LBP: variants seen among roughly 807,000 people sequenced by gnomAD.
LBP encodes lipopolysaccharide binding protein, also known as lipopolysaccharide-binding protein.
A neutral mutation model predicts 56.6 loss-of-function variants in LBP; 53 were observed. The observed-to-expected ratio is 0.94, with a 90% CI of 0.75 to 1.18. The LOEUF (loss-of-function observed/expected upper bound fraction) is 1.18. Ranked by LOEUF, LBP falls within the 50% of genes most tolerant of loss-of-function variation. The pLI is 0.00. For synonymous variants in LBP, 227 were observed against 247.5 expected (o/e 0.92, Z 0.78); for missense variants, 601 against 598.3 (o/e 1.00, Z -0.05).
chr20:38,348,874 A>G (rs915558986), intron 1 of LBP, among the ~76,000 whole-genome samples: 2 of 151,878 alleles, frequency 1.3e-5, no homozygotes, highest in South Asian at 4.2e-4. Flanking sequence ...GCTCACTGCA[A>G]TCTCTGCCTC....
intron 9 of LBP, 86 bp downstream of exon 9, chr20:38,366,914 C>A: frequency 7.9e-7 from 1 of 1,258,126 alleles, no homozygotes; most frequent in Non-Finnish European, 1.2e-6. Flanking sequence ...CATCTCTCAG[C>A]TTGACCAAGA....
At chr20:38,357,882 T>C (rs1440013992) in intron 5 of LBP, among the ~76,000 whole-genome samples, 1 of 152,220 alleles carries the variant, frequency 6.6e-6, no homozygotes, top group Non-Finnish European at 1.5e-5. Flanking sequence ...GTCTTGGCAC[T>C]GGTGGTCATG....
rs531425909 is a variant in LBP at position 38,368,926 on chromosome 20, C to T, written c.982-69C>T. 6 of 1,470,246 alleles carry T rather than the reference C, an allele frequency of 4.1e-6. No individual in the cohort carries two copies. In the African/African-American group the frequency reaches 5.6e-5, roughly 14 times the overall value. The allele number at this position is 1,470,246 out of a possible 1,614,324, so 91.1% of individuals were successfully genotyped here. A position where few individuals can be genotyped will look rare whatever the true frequency, so the allele number is the denominator to read the frequency against. On this transcript the variant is annotated intron_variant, in intron 9 of 14. Coordinates refer to ENST00000217407, the MANE Select transcript of LBP (RefSeq NM_004139.5). ...AAGCAACTTCCAGCTTTATCTGACTCCCTCAGGCCTCTCCTGGCAGACTTG... is the reference window on the plus strand; with the variant it reads ...AAGCAACTTCCAGCTTTATCTGACTTCCTCAGGCCTCTCCTGGCAGACTTG...
chr20:38,359,822 C>T (rs994646297), intron 5 of LBP, among the ~76,000 whole-genome samples: 2 of 152,160 alleles, frequency 1.3e-5, no homozygotes, highest in African/African-American at 2.4e-5. Flanking sequence ...ATTTCCTTCT[C>T]TTGAGAAGCA....
At chr20:38,361,575 T>C (rs2076860347) in intron 6 of LBP, among the ~76,000 whole-genome samples, 2 of 151,920 alleles carry the variant, frequency 1.3e-5, no homozygotes, top group South Asian at 4.2e-4. Flanking sequence ...CGGCTACTTT[T>C]TGTATTTTTT....
chr20:38,359,803 G>A (rs559171055), intron 5 of LBP, among the ~76,000 whole-genome samples: 2 of 152,252 alleles, frequency 1.3e-5, no homozygotes, highest in East Asian at 3.9e-4. Flanking sequence ...AACAAGTTTG[G>A]AAATGCACAT....
intron 6 of LBP, 94 bp downstream of exon 6, chr20:38,360,861 T>C (rs558801508): frequency 3.1e-6 from 3 of 964,218 alleles, no homozygotes; most frequent in South Asian, 3.2e-5. Context: ...GGGGCAAAAA[T>C]ATAGAAAGTA....
chr20:38,347,105 T>A lies in LBP; in HGVS notation c.124+465T>A, dbSNP rs1365021140. Among the ~76,000 whole-genome samples the A allele has an allele frequency of 2.0e-5, 3 of 152,192 alleles. No homozygotes were observed. In the East Asian group the frequency reaches 5.8e-4, roughly 29 times the overall value. ...AGGCAGGCAGAGACCCTGAAGGGCA[T>A]GAGGGAGGTCTGCCGGGGTGCTGGA... On this transcript the variant is annotated intron_variant, in intron 1 of 14. Coordinates refer to ENST00000217407, the MANE Select transcript of LBP (RefSeq NM_004139.5).
At chr20:38,360,501 G>A (rs1600725994) in intron 5 of LBP, among the ~76,000 whole-genome samples, 1 of 152,250 alleles carries the variant, frequency 6.6e-6, no homozygotes, top group South Asian at 2.1e-4. Context: ...AGTCCAACTG[G>A]ACCCTAGTGG....
chr20:38,365,708 AAAAAAAAAAAT>A lies in LBP; in HGVS notation c.921+958_921+968del, dbSNP rs1420156851. On this transcript the variant is annotated intron_variant, in intron 8 of 14. Coordinates refer to ENST00000217407, the MANE Select transcript of LBP (RefSeq NM_004139.5). Reference sequence around the variant, plus strand: ...TGAGACTGCATCTCAAAAAAAAAAAAAAAAAAAAAATATATATATATATATATATATATATA... The same window carrying A: ...TGAGACTGCATCTCAAAAAAAAAAAAATATATATATATATATATATATATA... 4.6e-3 allele frequency among the ~76,000 whole-genome samples: 307 copies of A among 66,270 alleles called. 1 individual carries two copies. Among genetic ancestry groups the A allele is most frequent in the African/African-American group, 9.3e-3 (170 of 18,350 alleles). The allele number at this position is 66,270 out of a possible 152,430, so 43.5% of individuals were successfully genotyped here.
rs2083959989 is a variant in LBP at position 38,376,628 on chromosome 20, T to C, written c.1405T>C (p.Phe469Leu). Residue 469 changes from phenylalanine (F) to leucine (L), a missense_variant, in exon 15 of 15, where the codon TTC becomes CTC. By Grantham distance (22) the Phe-to-Leu change is conservative. Coordinates refer to ENST00000217407, the MANE Select transcript of LBP (RefSeq NM_004139.5). ...TGTCCTGTCCTGTTTTTCCTAGGAC[T>C]TCCTGTTCTTGGGTGCCAATGTCCA... Reference protein sequence around the residue: ...YDLGLQIHKDFLFLGANVQYM... With the variant: ...YDLGLQIHKDLLFLGANVQYM... The C allele has an allele frequency of 1.9e-6, 3 of 1,613,860 alleles. No homozygotes were observed. The highest frequency in any genetic ancestry group is 2.2e-5 in the South Asian group (2 of 91,084).
intron 3 of LBP, among the ~76,000 whole-genome samples, chr20:38,353,318 T>G (rs1411789516): frequency 6.6e-6 from 1 of 152,052 alleles, no homozygotes; most frequent in African/African-American, 2.4e-5. Flanking sequence ...CATTAAACAA[T>G]CATTCCCCAT....
chr20:38,372,366 C>T (rs2076903623), intron 12 of LBP, among the ~76,000 whole-genome samples: 1 of 152,286 alleles, frequency 6.6e-6, no homozygotes, highest in East Asian at 1.9e-4. Flanking sequence ...AAGCTAACTC[C>T]TTTCAGAGAA....
At chr20:38,350,165 G>A (rs1212289452) in intron 2 of LBP, among the ~76,000 whole-genome samples, 1 of 152,076 alleles carries the variant, frequency 6.6e-6, no homozygotes, top group Non-Finnish European at 1.5e-5. Context: ...TTGAGGGATG[G>A]GCAGTGAAGA....
Position 38,353,168 on chromosome 20 carries a change from G to T in LBP, c.369-1116G>T, listed in dbSNP as rs553618882. On this transcript the variant is annotated intron_variant, in intron 3 of 14. Transcript: ENST00000217407. ...TTTTTTGAATGTGCTTTTAAAAATT[G>T]ATAGGAAATTCACGGAACATAAAAT... 2.6e-5 allele frequency among the ~76,000 whole-genome samples: 4 copies of T among 152,098 alleles called. No homozygotes were observed. In the South Asian group the frequency reaches 8.3e-4, roughly 32 times the overall value.
intron 5 of LBP, among the ~76,000 whole-genome samples, chr20:38,357,474 GAGA>G (rs2076845461): frequency 1.3e-5 from 2 of 152,188 alleles, no homozygotes; most frequent in Non-Finnish European, 1.5e-5. Context: ...CAAGGCTAAG[GAGA>G]AGAATAAGCA....
rs746204464 is a variant in LBP at position 38,363,981 on chromosome 20, C to T, written c.659C>T (p.Thr220Ile). The T allele has an allele frequency of 1.7e-5, 28 of 1,612,668 alleles. No individual in the cohort carries two copies. Among genetic ancestry groups the T allele is most frequent in the Non-Finnish European group, 2.3e-5 (27 of 1,178,770 alleles). The change falls in exon 7 of 15, where the codon ACA becomes ATA. Residue 220 changes from threonine to isoleucine, a missense_variant. By Grantham distance (89) the Thr-to-Ile change is moderately conservative. Coordinates refer to ENST00000217407, the MANE Select transcript of LBP (RefSeq NM_004139.5). ...GCCCTGTCCTCATTCACAGTTACAA[C>T]AGAGATTGACAGTTTCGCCGACATT... Reference protein sequence around the residue: ...QPYLQTLPVTTEIDSFADIDY... With the variant: ...QPYLQTLPVTIEIDSFADIDY...
intron 6 of LBP, among the ~76,000 whole-genome samples, chr20:38,362,923 G>A (rs6127861): frequency 0.017 from 2,541 of 152,276 alleles, 101 homozygotes; most frequent in East Asian, 0.15. Context: ...ACTCCAGCCT[G>A]GGCCACAGAG....
chr20:38,368,923 A>T, intron 9 of LBP, 72 bp from the exon 10 acceptor site: 8 of 1,425,208 alleles, frequency 5.6e-6, no homozygotes, highest in Non-Finnish European at 6.9e-6. Context: ...GCTTTATCTG[A>T]CTCCCTCAGG....
Sources: allele counts gnomAD v4.1 joint callset (sites outside exome capture counted in the v4.1 genomes callset), GRCh38; gene constraint gnomAD v4.1.1; transcripts MANE v1.5; gene names NCBI Gene and HGNC (gene_info 2026-07-23, HGNC 2026-07-21).